Variants in KYNU observed in about 807,000 individuals in gnomAD.
KYNU encodes kynureninase, also known as L-kynurenine hydrolase.
In KYNU, 54 loss-of-function variants were observed where a neutral mutation model predicts 59.2. The ratio of observed to expected loss-of-function variants is 0.91; its 90% CI spans 0.73 to 1.14. KYNU has a LOEUF of 1.14. Ranked by LOEUF, KYNU falls within the 50% of genes most tolerant of loss-of-function variation. KYNU has a pLI of 0.00. For missense variants in KYNU, 567 were observed against 554.4 expected (o/e 1.02, Z -0.23); for synonymous variants, 177 against 192.0 (o/e 0.92, Z 0.65).
chr2:142,992,670 A>G (rs1685434935), intron 10 of KYNU, among the ~76,000 whole-genome samples: 1 of 151,878 alleles, frequency 6.6e-6, no homozygotes, highest in African/African-American at 2.4e-5. Flanking sequence ...CAGAAACTAA[A>G]TATGGTAAAA....
intron 10 of KYNU, among the ~76,000 whole-genome samples, chr2:143,006,605 G>A (rs1055536202): frequency 7.2e-6 from 1 of 139,424 alleles, no homozygotes; most frequent in Non-Finnish European, 1.5e-5. Flanking sequence ...TGGGGGCAGG[G>A]CACAGACAAA....
chr2:142,984,500 A>G (rs1362073649), intron 8 of KYNU, among the ~76,000 whole-genome samples: 4 of 152,090 alleles, frequency 2.6e-5, no homozygotes, highest in African/African-American at 4.8e-5. Context: ...TCTTTCATGC[A>G]GAAATGGTTG....
intron 10 of KYNU, among the ~76,000 whole-genome samples, chr2:143,024,948 A>AT (rs1686509556): frequency 6.6e-6 from 1 of 151,788 alleles, no homozygotes. Flanking sequence ...CTTTTTGTTT[A>AT]TTTTTTCTCA....
chr2:142,925,097 T>C (rs1384695698), intron 3 of KYNU, among the ~76,000 whole-genome samples: 1 of 152,160 alleles, frequency 6.6e-6, no homozygotes, highest in Admixed American at 6.5e-5. Context: ...AGGCAGAACA[T>C]AGAATTTTAC....
At chr2:142,962,065 T>C (rs1426668664) in intron 8 of KYNU, among the ~76,000 whole-genome samples, 1 of 152,218 alleles carries the variant, frequency 6.6e-6, no homozygotes, top group Non-Finnish European at 1.5e-5. Context: ...AAAGATAATG[T>C]CTTCTTAATT....
intron 13 of KYNU, 98 bp downstream of exon 13, chr2:143,040,756 C>T (rs1243257997): frequency 1.4e-6 from 1 of 724,044 alleles, no homozygotes; most frequent in Non-Finnish European, 2.3e-6. Context: ...CATGTTATTT[C>T]ACATCAGTCA....
intron 12 of KYNU, among the ~76,000 whole-genome samples, chr2:143,038,107 T>C (rs1042402142): frequency 4.6e-5 from 7 of 152,148 alleles, no homozygotes; most frequent in Non-Finnish European, 1.0e-4. Flanking sequence ...CAAGTAATAT[T>C]CCTCCAAGTT....
rs1319335838 is a variant in KYNU at position 142,877,750 on chromosome 2, G to A, written c.-20+14G>A. 6.6e-6 allele frequency: 1 copy of A among 152,062 alleles called. No individual in the cohort carries two copies. The highest frequency in any genetic ancestry group is 2.4e-5 in the African/African-American group (1 of 41,418). The allele number at this position is 152,062 out of a possible 1,614,324, so 9.4% of individuals were successfully genotyped here. On this transcript the variant is annotated intron_variant, in intron 1 of 13. Transcript: ENST00000264170. ...GGATCCTAGCTGGTAAGCTTGAGGC[G>A]CTGATAAAAACTCTCTACCCTAATG...
chr2:142,898,772 T>C (rs1352554824), intron 2 of KYNU, among the ~76,000 whole-genome samples: 1 of 152,192 alleles, frequency 6.6e-6, no homozygotes, highest in Admixed American at 6.5e-5. Context: ...CCTTGGGTTC[T>C]TGGCCTCACA....
At chr2:142,953,257 A>G (rs1375479054) in intron 4 of KYNU, among the ~76,000 whole-genome samples, 2 of 152,240 alleles carry the variant, frequency 1.3e-5, no homozygotes, top group Non-Finnish European at 1.5e-5. Flanking sequence ...CTTATATGTA[A>G]AACATAGGGA....
chr2:142,931,526 T>C (rs912099981), intron 4 of KYNU, among the ~76,000 whole-genome samples: 1 of 152,050 alleles, frequency 6.6e-6, no homozygotes, highest in Non-Finnish European at 1.5e-5. Flanking sequence ...TGAAAGACTG[T>C]GTCTGGATTA....
intron 2 of KYNU, among the ~76,000 whole-genome samples, chr2:142,915,347 T>C (rs1209315799): frequency 6.6e-6 from 1 of 152,128 alleles, no homozygotes; most frequent in Non-Finnish European, 1.5e-5. Flanking sequence ...CTTGCCTTTC[T>C]TTTTCCACTC....
At chr2:142,968,114 G>A (rs908080632) in intron 8 of KYNU, among the ~76,000 whole-genome samples, 3 of 152,078 alleles carry the variant, frequency 2.0e-5, no homozygotes, top group Admixed American at 6.6e-5. Context: ...GAATCCTGTC[G>A]CTATTGTTTC....
At chr2:142,959,243 T>G (rs1227968109) in intron 7 of KYNU, among the ~76,000 whole-genome samples, 1 of 152,066 alleles carries the variant, frequency 6.6e-6, no homozygotes, top group Non-Finnish European at 1.5e-5. Context: ...CCCCCAAATA[T>G]TAACGTAATT....
At chr2:142,878,792 T>C (rs779567332) in intron 1 of KYNU, among the ~76,000 whole-genome samples, 5 of 152,242 alleles carry the variant, frequency 3.3e-5, no homozygotes, top group Non-Finnish European at 7.3e-5. Flanking sequence ...ACATTGATGC[T>C]GTCCATCAGA....
At chr2:142,911,515 A>AT (rs1320494411) in intron 2 of KYNU, among the ~76,000 whole-genome samples, 1 of 151,716 alleles carries the variant, frequency 6.6e-6, no homozygotes. Context: ...AAGATAGATA[A>AT]TTTTTTTTCT....
chr2:142,947,148 A>T, intron 4 of KYNU: 1 of 1,551,132 alleles, frequency 6.4e-7, no homozygotes, highest in Non-Finnish European at 8.7e-7. Flanking sequence ...CCTGGAAATG[A>T]CCTCAGTATG....
At chr2:142,937,024 G>A (rs1427342056) in intron 4 of KYNU, among the ~76,000 whole-genome samples, 1 of 152,184 alleles carries the variant, frequency 6.6e-6, no homozygotes, top group Non-Finnish European at 1.5e-5. Flanking sequence ...CACCAAGTGA[G>A]GACGGGATAA....
At position 143,040,554 on chromosome 2, in the gene KYNU, A is replaced by G. The variant is rs754344264; in HGVS notation, c.1168A>G (p.Ile390Val). Residue 390 changes from isoleucine to valine, a missense_variant, in exon 13 of 14, where the codon ATA (isoleucine) becomes GTA (valine). Coordinates refer to ENST00000264170, the MANE Select transcript of KYNU (RefSeq NM_003937.3). ...AGCAACCAAGAAACCAGTTGTGAAC[A>G]TAATTACTCCGTCTCATGTAGAGGA... Reference protein sequence around the residue: ...KAATKKPVVNIITPSHVEERG... With the variant: ...KAATKKPVVNVITPSHVEERG... 9 of 1,613,218 alleles carry G rather than the reference A, an allele frequency of 5.6e-6. No homozygotes were observed. Among genetic ancestry groups the G allele is most frequent in the Middle Eastern group, 3.3e-4 (2 of 6,058 alleles).
Sources: allele counts gnomAD v4.1 joint callset (sites outside exome capture counted in the v4.1 genomes callset), GRCh38; gene constraint gnomAD v4.1.1; transcripts MANE v1.5; gene names NCBI Gene and HGNC (gene_info 2026-07-23, HGNC 2026-07-21).